FBLN7: variants seen among roughly 807,000 people sequenced by gnomAD.
FBLN7 encodes fibulin 7.
FBLN7 carries 31 observed loss-of-function variants against 44.0 expected under a neutral mutation model. That is an observed-to-expected ratio of 0.70 (90% confidence interval 0.53 to 0.95). The LOEUF (loss-of-function observed/expected upper bound fraction) is 0.95, where lower values mean the gene tolerates loss of function less well. Ranked by LOEUF, FBLN7 falls within the 40% of genes least tolerant of loss-of-function variation. The pLI, the probability that FBLN7 is intolerant of heterozygous loss-of-function variation, is 0.00. For synonymous variants in FBLN7, 262 were observed against 253.4 expected (o/e 1.03, Z -0.32); for missense variants, 573 against 618.5 (o/e 0.93, Z 0.78).
chr2:112,164,954 T>C (rs749878860), intron 2 of FBLN7, 47 bp from the exon 3 acceptor site: 31 of 1,595,578 alleles, frequency 1.9e-5, no homozygotes, highest in Non-Finnish European at 2.5e-5. Context: ...GTCTAAGGGC[T>C]GTGGTCCAGG....
At chr2:112,225,358 G>A in the FBLN7 span, among the ~76,000 whole-genome samples, 7 of 152,204 alleles carry the variant, frequency 4.6e-5, no homozygotes, top group Non-Finnish European at 8.8e-5. Flanking sequence ...CACACCTGCA[G>A]TCCCAGCTAC....
chr2:112,187,859 G>A lies in FBLN7; in HGVS notation c.*353G>A. 2.4e-6 allele frequency: 1 copy of A among 420,432 alleles called. No individual in the cohort carries two copies. The highest frequency in any genetic ancestry group is 3.9e-5 in the East Asian group (1 of 25,882). 26.0% of individuals were successfully genotyped at this position (420,432 alleles called of 1,614,324 possible). On this transcript the variant is annotated 3_prime_UTR_variant, in exon 8 of 8. Coordinates refer to ENST00000331203, the MANE Select transcript of FBLN7 (RefSeq NM_153214.3). The surrounding 1 kb of genome is among the most constrained non-coding windows in gnomAD (Gnocchi z 5.1). ...GGGGAGAGAAAAGGTGGCAATGTGT[G>A]TCAGGTGACTATCAGCCCTTCTGCC...
At chr2:112,150,673 ATCT>A (rs1681114918) in intron 1 of FBLN7, among the ~76,000 whole-genome samples, 3 of 152,118 alleles carry the variant, frequency 2.0e-5, no homozygotes, top group Non-Finnish European at 4.4e-5. Context: ...TGGTTGACTG[ATCT>A]GGGGCAAGTT....
chr2:112,221,545 G>C, the FBLN7 span, among the ~76,000 whole-genome samples: 3 of 152,128 alleles, frequency 2.0e-5, no homozygotes, highest in East Asian at 5.8e-4. Context: ...ATGCATGAAC[G>C]AACTAATACA....
At chr2:112,142,735 C>A (rs531201492) in intron 1 of FBLN7, among the ~76,000 whole-genome samples, 7 of 151,092 alleles carry the variant, frequency 4.6e-5, no homozygotes, top group African/African-American at 1.7e-4. Flanking sequence ...TAGGAGACAG[C>A]GCAAGAGTAA....
intron 2 of FBLN7, among the ~76,000 whole-genome samples, chr2:112,160,557 A>C (rs1391045880): frequency 6.6e-6 from 1 of 152,172 alleles, no homozygotes; most frequent in African/African-American, 2.4e-5. Flanking sequence ...TTTTACTTTA[A>C]GATAATTTTT....
At chr2:112,230,021 A>G in the FBLN7 span, among the ~76,000 whole-genome samples, 1 of 152,154 alleles carries the variant, frequency 6.6e-6, no homozygotes, top group African/African-American at 2.4e-5. Flanking sequence ...AAAGAATTAT[A>G]TAAGGAATAT....
chr2:112,193,127 A>G (rs567673344), downstream of FBLN7, among the ~76,000 whole-genome samples: 1 of 152,306 alleles, frequency 6.6e-6, no homozygotes, highest in Admixed American at 6.5e-5. Flanking sequence ...AAATCCATGG[A>G]TGCTCAAGTC....
At chr2:112,233,154 A>G in the FBLN7 span, 8 of 660,934 alleles carry the variant, frequency 1.2e-5, no homozygotes, top group African/African-American at 7.7e-5. Context: ...GGCTTGGATA[A>G]TATCATTTTG....
chr2:112,226,560 G>C, the FBLN7 span, among the ~76,000 whole-genome samples: 1 of 115,636 alleles, frequency 8.6e-6, no homozygotes, highest in Non-Finnish European at 1.6e-5. Flanking sequence ...CTGCACTCCA[G>C]CCTGGGCAAC....
the FBLN7 span, among the ~76,000 whole-genome samples, chr2:112,201,807 A>G: frequency 2.8e-3 from 429 of 152,308 alleles, 1 homozygote; most frequent in Admixed American, 9.0e-3. Context: ...GGCTGAAATA[A>G]GGAGCATTTC....
At chr2:112,202,638 A>G in the FBLN7 span, among the ~76,000 whole-genome samples, 5 of 152,190 alleles carry the variant, frequency 3.3e-5, no homozygotes, top group Non-Finnish European at 7.3e-5. Context: ...GAAGGCTAGC[A>G]ACAATTTGAA....
chr2:112,232,989 A>T, the FBLN7 span, among the ~76,000 whole-genome samples: 3 of 152,220 alleles, frequency 2.0e-5, no homozygotes, highest in Non-Finnish European at 4.4e-5. Flanking sequence ...AGAAATTGTG[A>T]TAAGTCTTTC....
At position 112,173,860 on chromosome 2, in the gene FBLN7, A is replaced by G. The variant is rs185133118; in HGVS notation, c.407-1854A>G. Among the ~76,000 whole-genome samples the G allele has an allele frequency of 8.2e-4, 125 of 152,358 alleles. 1 individual carries two copies. Among genetic ancestry groups the G allele is most frequent in the Non-Finnish European group, 1.2e-3 (83 of 68,032 alleles). ...CTCTGATTGCATATCAAGATAACAG[A>G]TAAAGAGAGTCTGAATGCAGCCTGT... On this transcript the variant is annotated intron_variant, in intron 3 of 7. Transcript: ENST00000331203.
rs1683074274 is a variant in FBLN7 at position 112,182,867 on chromosome 2, C to T, written c.747C>T (p.Gly249=). 3 of 1,613,070 alleles carry T rather than the reference C, an allele frequency of 1.9e-6. No individual in the cohort carries two copies. The highest frequency in any genetic ancestry group is 1.7e-5 in the Admixed American group (1 of 59,912). The part of the protein sequence containing the change: ...LCMHACVNTP[G]SYRCTCPGGY... The stretch of plus-strand genomic sequence containing the variant: ...TGCACGCCTGCGTGAACACCCCGGG[C>T]TCTTACCGTTGCACCTGCCCCGGTG... Residue 249 remains glycine, a synonymous_variant, in exon 6 of 8, where the codon GGC becomes GGT. Coordinates refer to ENST00000331203, the MANE Select transcript of FBLN7 (RefSeq NM_153214.3).
intron 1 of FBLN7, chr2:112,151,410 C>T (rs957513103): frequency 1.3e-5 from 2 of 152,162 alleles, no homozygotes; most frequent in African/African-American, 4.8e-5. Context: ...TCCTGTACCA[C>T]GGCAGTCCTG....
In FBLN7 at chr2:112,138,544, G is replaced by T; in HGVS notation, c.-112G>T. ...TCCCCCCCTGCCCCAGCCGCCCCCC[G>T]GCCGCGCGGCGCCCCGCACCCTGCA... On this transcript the variant is annotated 5_prime_UTR_variant, in exon 1 of 8. Transcript: ENST00000331203. The T allele has an allele frequency of 8.0e-7, 1 of 1,248,632 alleles. No homozygotes were observed. The highest frequency in any genetic ancestry group is 1.3e-5 in the South Asian group (1 of 75,734). The allele number at this position is 1,248,632 out of a possible 1,614,324, so 77.3% of individuals were successfully genotyped here. A position where few individuals can be genotyped will look rare whatever the true frequency, so the allele number is the denominator to read the frequency against.
chr2:112,169,000 G>A (rs887374716), intron 3 of FBLN7, among the ~76,000 whole-genome samples: 1 of 152,292 alleles, frequency 6.6e-6, no homozygotes, highest in South Asian at 2.1e-4. Context: ...GGCCAGGAGC[G>A]GTGGCTCACG....
intron 3 of FBLN7, among the ~76,000 whole-genome samples, chr2:112,168,612 G>T (rs1406121561): frequency 6.6e-6 from 1 of 152,212 alleles, no homozygotes; most frequent in Non-Finnish European, 1.5e-5. Flanking sequence ...GAGAAATAGT[G>T]CTCCTGACTG....
Sources: gnomAD v4.1 joint callset for allele counts (sites outside exome capture counted in the v4.1 genomes callset) on GRCh38, gnomAD v4.1.1 for gene constraint, Gnocchi (gnomAD v3.1) non-coding constraint, MANE v1.5 for transcripts, NCBI Gene and HGNC (gene_info 2026-07-23, HGNC 2026-07-21) for gene names.